DIAPH1: variants seen among roughly 807,000 people sequenced by gnomAD.
DIAPH1 encodes protein diaphanous homolog 1.
DIAPH1 carries 46 observed loss-of-function variants against 140.7 expected under a neutral mutation model. That is an observed-to-expected ratio of 0.33 (90% CI 0.26 to 0.42). The LOEUF is 0.42. Among genes scored for constraint, DIAPH1 ranks in the 10% least tolerant of loss-of-function variants. The probability of loss-of-function intolerance (pLI) is 1.00; values close to 1 mark genes in which losing one functional copy is unlikely to be tolerated. For synonymous variants in DIAPH1, 565 were observed against 551.6 expected (o/e 1.02, Z -0.34); for missense variants, 1,310 against 1,558.7 (o/e 0.84, Z 2.69).
At chr5:141,574,332 T>A in intron 15 of DIAPH1, 124 bp from the exon 16 acceptor site, 1 of 963,570 alleles carries the variant, frequency 1.0e-6, no homozygotes, top group Non-Finnish European at 1.6e-6. Flanking sequence ...CTGAGAGGAG[T>A]CAGAGAGATG....
At chr5:141,591,254 T>G (rs1254471642) in intron 1 of DIAPH1, among the ~76,000 whole-genome samples, 1 of 152,146 alleles carries the variant, frequency 6.6e-6, no homozygotes, top group Non-Finnish European at 1.5e-5. Context: ...TAAATGGATA[T>G]GTACCTTTCC....
At chr5:141,527,257 AC>A (rs2099887498) in intron 24 of DIAPH1, among the ~76,000 whole-genome samples, 1 of 152,066 alleles carries the variant, frequency 6.6e-6, no homozygotes, top group Non-Finnish European at 1.5e-5. Flanking sequence ...AAAAAAGGTT[AC>A]AAAAAGTTTA....
At chr5:141,520,092 G>C (rs564803926) in intron 27 of DIAPH1, among the ~76,000 whole-genome samples, 3 of 152,144 alleles carry the variant, frequency 2.0e-5, no homozygotes, top group Non-Finnish European at 4.4e-5. Context: ...TAAAACGTAG[G>C]CTAGGAACTA....
At chr5:141,588,547 T>C (rs1423925780) in intron 1 of DIAPH1, among the ~76,000 whole-genome samples, 1 of 150,038 alleles carries the variant, frequency 6.7e-6, no homozygotes, top group Non-Finnish European at 1.5e-5. Context: ...ACTTATAAGA[T>C]ATGCTCAACT....
chr5:141,597,940 C>T (rs1208036118), intron 1 of DIAPH1, among the ~76,000 whole-genome samples: 1 of 152,192 alleles, frequency 6.6e-6, no homozygotes. Flanking sequence ...GAGCAGTGTA[C>T]TCCCTCAACC....
chr5:141,527,699 T>TAAAAAAAAAAAAAAAAAAAACA lies in DIAPH1; in HGVS notation c.3149-3_3149-2insTGTTTTTTTTTTTTTTTTTTTT. 2 of 1,130,080 alleles carry TAAAAAAAAAAAAAAAAAAAACA rather than the reference T, an allele frequency of 1.8e-6. No homozygotes were observed. The highest frequency in any genetic ancestry group is 1.7e-5 in the South Asian group (1 of 58,722). 70.0% of individuals were successfully genotyped at this position (1,130,080 alleles called of 1,614,324 possible). ...TCTTTTGCAAGTTTTCAGCAGAAAC[T>TAAAAAAAAAAAAAAAAAAAACA]AAAAAAAAAAAAAAAAAAAAAAACC... On this transcript the variant is annotated splice_polypyrimidine_tract_variant and splice_region_variant and intron_variant, in intron 23 of 27. Transcript: ENST00000389054.
chr5:141,604,517 T>C (rs1406410803), intron 1 of DIAPH1, among the ~76,000 whole-genome samples: 1 of 152,142 alleles, frequency 6.6e-6, no homozygotes, highest in Non-Finnish European at 1.5e-5. Flanking sequence ...TCTCCTCCCA[T>C]GTTATGATGT....
rs867307439 is a variant in DIAPH1 at position 141,573,803 on chromosome 5, C to A, written c.2047G>T (p.Gly683Trp). The A allele has an allele frequency of 6.7e-7, 1 of 1,482,330 alleles. No homozygotes were observed. Among genetic ancestry groups the A allele is most frequent in the African/African-American group, 1.6e-5 (1 of 62,456 alleles). 91.8% of individuals were successfully genotyped at this position (1,482,330 alleles called of 1,614,324 possible). Residue 683 changes from glycine (G) to tryptophan (W), a missense_variant, in exon 16 of 28, where the codon GGG becomes TGG. Gly to Trp is a radical substitution (Grantham distance 184). Transcript: ENST00000389054. Reference protein sequence around the residue: ...TAIPPPPPLPGSARIPPPPPP... With the variant: ...TAIPPPPPLPWSARIPPPPPP... The stretch of plus-strand genomic sequence containing the variant: ...GGTGGTGGGGGGATTCTAGCACTCC[C>A]AGGCAAAGGAGGAGGTGGGGGGATG...
Position 141,516,892 on chromosome 5 carries a change from T to C in DIAPH1, c.3778A>G (p.Ile1260Val), listed in dbSNP as rs1216878059. The C allele has an allele frequency of 1.2e-6, 2 of 1,614,188 alleles. No individual in the cohort carries two copies. Among genetic ancestry groups the C allele is most frequent in the Non-Finnish European group, 1.7e-6 (2 of 1,180,018 alleles). Residue 1260 changes from isoleucine to valine, a missense_variant, in exon 28 of 28, where the codon ATC (isoleucine) becomes GTC (valine). Physicochemically the swap from Ile to Val is conservative, Grantham distance 29. Around this residue, in one of 3 missense-constraint regions of DIAPH1, gnomAD observed 344 missense variants for 512.2 expected, o/e 0.67. Coordinates refer to ENST00000389054, the MANE Select transcript of DIAPH1 (RefSeq NM_005219.5). Reference protein sequence around the residue: ...VSKNSETFPTILEEAKELVGR... With the variant: ...VSKNSETFPTVLEEAKELVGR... The stretch of plus-strand genomic sequence containing the variant: ...ACCAACTCCTTGGCTTCCTCAAGGA[T>C]TGTGGGGAATGTCTCACTGTTCTTG...
rs926347167 is a variant in DIAPH1 at position 141,516,378 on chromosome 5, C to T, written c.*473G>A. 1 of 199,376 alleles carries T rather than the reference C, an allele frequency of 5.0e-6. No homozygotes were observed. Among genetic ancestry groups the T allele is most frequent in the African/African-American group, 2.3e-5 (1 of 43,480 alleles). 12.4% of individuals were successfully genotyped at this position (199,376 alleles called of 1,614,324 possible). On this transcript the variant is annotated 3_prime_UTR_variant, in exon 28 of 28. Transcript: ENST00000389054. Reference sequence around the variant, plus strand: ...CCAGGAGAGGGAAGAGCAGAGACAACAGCAATGAAAGGAGGGATCTAGCCC... The same window carrying T: ...CCAGGAGAGGGAAGAGCAGAGACAATAGCAATGAAAGGAGGGATCTAGCCC...
At chr5:141,601,620 T>C (rs1317928664) in intron 1 of DIAPH1, among the ~76,000 whole-genome samples, 1 of 152,208 alleles carries the variant, frequency 6.6e-6, no homozygotes, top group Non-Finnish European at 1.5e-5. Flanking sequence ...AGATCATTTG[T>C]TGTAACTTTT....
At chr5:141,566,039 A>G (rs139132126) in intron 18 of DIAPH1, among the ~76,000 whole-genome samples, 168 of 152,338 alleles carry the variant, frequency 1.1e-3, no homozygotes, top group African/African-American at 4.0e-3. Flanking sequence ...GAATGATTAT[A>G]ATGATTAACC....
intron 3 of DIAPH1, among the ~76,000 whole-genome samples, chr5:141,586,378 A>C (rs2099897553): frequency 6.6e-6 from 1 of 152,222 alleles, no homozygotes; most frequent in Non-Finnish European, 1.5e-5. Flanking sequence ...GCCTGCCACT[A>C]GTCTCTATTT....
intron 1 of DIAPH1, chr5:141,618,595 G>T (rs2154597550): frequency 2.1e-6 from 1 of 480,818 alleles, no homozygotes. Flanking sequence ...AGGTGGCCGG[G>T]GCAAGAGCCG....
rs2099897185 is a variant in DIAPH1 at position 141,584,105 on chromosome 5, T to C, written c.402+19A>G. 2.0e-6 allele frequency: 3 copies of C among 1,503,176 alleles called. No individual in the cohort carries two copies. The highest frequency in any genetic ancestry group is 2.8e-5 in the African/African-American group (2 of 72,518). 93.1% of individuals were successfully genotyped at this position (1,503,176 alleles called of 1,614,324 possible). On this transcript the variant is annotated intron_variant, in intron 4 of 27. Transcript: ENST00000389054. The stretch of plus-strand genomic sequence containing the variant: ...AGGGCACAGTCTCCCATGTCATGGG[T>C]ACCTGTCCCAGGACTCACAGCCTTG...
intron 18 of DIAPH1, among the ~76,000 whole-genome samples, chr5:141,568,787 A>C (rs1003048685): frequency 2.0e-5 from 3 of 152,198 alleles, no homozygotes; most frequent in African/African-American, 7.2e-5. Context: ...ATGCTTAACA[A>C]ATAGCAGAGT....
At position 141,515,146 on chromosome 5, in the gene DIAPH1, T is replaced by C. The variant is rs1457916779; in HGVS notation, c.*1705A>G. On this transcript the variant is annotated 3_prime_UTR_variant, in exon 28 of 28. Coordinates refer to ENST00000389054, the MANE Select transcript of DIAPH1 (RefSeq NM_005219.5). Reference sequence around the variant, plus strand: ...TGTCCCTCACACCTCTCTCTCTCTCTCTTTTTTTTTATTAAATGCATCTTA... The same window carrying C: ...TGTCCCTCACACCTCTCTCTCTCTCCCTTTTTTTTTATTAAATGCATCTTA... 1.3e-5 allele frequency: 2 copies of C among 152,222 alleles called. No individual in the cohort carries two copies. The highest frequency in any genetic ancestry group is 2.4e-5 in the African/African-American group (1 of 41,306). The allele number at this position is 152,222 out of a possible 1,614,324, so 9.4% of individuals were successfully genotyped here.
At chr5:141,575,867 ACT>A (rs1209807863) in intron 14 of DIAPH1, among the ~76,000 whole-genome samples, 1 of 152,146 alleles carries the variant, frequency 6.6e-6, no homozygotes, top group Non-Finnish European at 1.5e-5. Flanking sequence ...GAAAAAGAGA[ACT>A]CAGACATCCT....
At chr5:141,610,340 C>T (rs757392948) in intron 1 of DIAPH1, among the ~76,000 whole-genome samples, 43 of 151,834 alleles carry the variant, frequency 2.8e-4, no homozygotes, top group Admixed American at 3.9e-4. Context: ...CTCACTCTGT[C>T]GCCAGGCTGG....
Sources: gnomAD v4.1 joint callset for allele counts (sites outside exome capture counted in the v4.1 genomes callset) on GRCh38, gnomAD v4.1.1 for gene constraint, gnomAD v4.1.1 regional missense constraint, MANE v1.5 for transcripts, NCBI Gene and HGNC (gene_info 2026-07-23, HGNC 2026-07-21) for gene names.